Variants in SDK1 observed in about 807,000 individuals in gnomAD.
The protein encoded by SDK1 is protein sidekick-1.
SDK1 carries 157 observed loss-of-function variants against 245.5 expected under a neutral mutation model. The ratio of observed to expected loss-of-function variants is 0.64; its 90% CI spans 0.56 to 0.73. The LOEUF (loss-of-function observed/expected upper bound fraction) is 0.73, where lower values mean the gene tolerates loss of function less well. SDK1 is among the 30% of genes least tolerant of loss of function. The pLI, the probability that SDK1 is intolerant of heterozygous loss-of-function variation, is 0.00. For synonymous variants in SDK1, 1,647 were observed against 1,278.5 expected (o/e 1.29, Z -6.15); for missense variants, 3,583 against 3,002.3 (o/e 1.19, Z -4.52).
At chr7:4,139,535 GTATATA>G (rs767048205) in intron 28 of SDK1, among the ~76,000 whole-genome samples, 1 of 9,822 alleles carries the variant, frequency 1.0e-4, no homozygotes, top group Non-Finnish European at 2.6e-4. Flanking sequence ...ATGTGTGTGT[GTATATA>G]TGTGTGTGTA....
At chr7:3,737,083 A>G (rs929732605) in intron 4 of SDK1, among the ~76,000 whole-genome samples, 3 of 152,198 alleles carry the variant, frequency 2.0e-5, no homozygotes, top group African/African-American at 7.2e-5. Flanking sequence ...TGTTATCACA[A>G]ATGGAGGGAT....
At chr7:3,936,303 C>T (rs538353250) in intron 5 of SDK1, among the ~76,000 whole-genome samples, 5 of 152,010 alleles carry the variant, frequency 3.3e-5, no homozygotes, top group African/African-American at 7.2e-5. Context: ...TGTTTTGGGC[C>T]GGGCACGGTG....
At chr7:3,822,264 C>T (rs1237603841) in intron 5 of SDK1, among the ~76,000 whole-genome samples, 1 of 152,162 alleles carries the variant, frequency 6.6e-6, no homozygotes, top group East Asian at 1.9e-4. Context: ...GAAGGCTTGT[C>T]ATCAGATGTT....
intron 5 of SDK1, among the ~76,000 whole-genome samples, chr7:3,830,135 T>A (rs1347395546): frequency 1.3e-5 from 2 of 152,166 alleles, no homozygotes; most frequent in East Asian, 3.9e-4. Context: ...CGAACTGTTG[T>A]GGCAGATTTT....
intron 4 of SDK1, among the ~76,000 whole-genome samples, chr7:3,696,491 C>T (rs935217464): frequency 6.6e-6 from 1 of 152,060 alleles, no homozygotes; most frequent in South Asian, 2.1e-4. Context: ...TAATCCTCAT[C>T]TGAGCCCAGG....
intron 1 of SDK1, among the ~76,000 whole-genome samples, chr7:3,545,454 G>A (rs1779190510): frequency 6.6e-6 from 1 of 152,174 alleles, no homozygotes; most frequent in South Asian, 2.1e-4. Flanking sequence ...CCTCATAGCT[G>A]TCCCCTGTAG....
At chr7:4,228,193 A>G (rs1562458056) in intron 40 of SDK1, among the ~76,000 whole-genome samples, 1 of 152,326 alleles carries the variant, frequency 6.6e-6, no homozygotes, top group Admixed American at 6.5e-5. Context: ...TTCTTCAGGA[A>G]TATTTTGCAA....
intron 5 of SDK1, among the ~76,000 whole-genome samples, chr7:3,879,574 A>C (rs1583505107): frequency 6.6e-6 from 1 of 152,204 alleles, no homozygotes; most frequent in Non-Finnish European, 1.5e-5. Flanking sequence ...GGCTCCTGGC[A>C]GCCAGCCACG....
At chr7:4,253,758 T>A (rs1787457373) in intron 44 of SDK1, among the ~76,000 whole-genome samples, 1 of 152,192 alleles carries the variant, frequency 6.6e-6, no homozygotes, top group African/African-American at 2.4e-5. Flanking sequence ...TGTGTCTCCC[T>A]TCAAATCTAT....
At chr7:4,109,820 G>T (rs538605529) in intron 22 of SDK1, among the ~76,000 whole-genome samples, 2 of 152,326 alleles carry the variant, frequency 1.3e-5, no homozygotes, top group East Asian at 3.9e-4. Context: ...GCACAAGGAT[G>T]AGTGAGAGGT....
At chr7:4,186,471 A>T (rs1306616416) in intron 35 of SDK1, among the ~76,000 whole-genome samples, 1 of 152,168 alleles carries the variant, frequency 6.6e-6, no homozygotes, top group African/African-American at 2.4e-5. Flanking sequence ...CTGTGTCCCC[A>T]CATAGGCCGC....
At chr7:3,657,420 A>T (rs1206554280) in intron 4 of SDK1, among the ~76,000 whole-genome samples, 1 of 152,134 alleles carries the variant, frequency 6.6e-6, no homozygotes, top group Non-Finnish European at 1.5e-5. Flanking sequence ...TCCTGGAAAG[A>T]GGGTGAGGAG....
At chr7:3,786,970 A>G (rs912626492) in intron 4 of SDK1, among the ~76,000 whole-genome samples, 2 of 152,116 alleles carry the variant, frequency 1.3e-5, no homozygotes, top group African/African-American at 2.4e-5. Flanking sequence ...GAAATAGAGT[A>G]TAAACATTGT....
chr7:3,709,776 G>T (rs1784989763), intron 4 of SDK1, among the ~76,000 whole-genome samples: 2 of 152,014 alleles, frequency 1.3e-5, no homozygotes, highest in South Asian at 4.1e-4. Flanking sequence ...TAGGTACTTT[G>T]CAAGATGAAC....
At chr7:3,776,617 C>G (rs970312910) in intron 4 of SDK1, among the ~76,000 whole-genome samples, 1 of 152,112 alleles carries the variant, frequency 6.6e-6, no homozygotes, top group African/African-American at 2.4e-5. Flanking sequence ...GGAGGTTAAG[C>G]TGTCACTCTG....
intron 30 of SDK1, among the ~76,000 whole-genome samples, chr7:4,155,273 A>G (rs1304442239): frequency 6.6e-6 from 1 of 151,616 alleles, no homozygotes; most frequent in Non-Finnish European, 1.5e-5. Flanking sequence ...TCACAGAGAC[A>G]CTTAATCAAT....
intron 4 of SDK1, among the ~76,000 whole-genome samples, chr7:3,712,076 G>T (rs1245194376): frequency 1.3e-5 from 2 of 152,056 alleles, no homozygotes; most frequent in Admixed American, 1.3e-4. Flanking sequence ...TACAGCAGAG[G>T]TCCGCAACCC....
rs73673671 is a variant in SDK1, at chr7:3,649,401, C to T, written c.713+7296C>T. Among the ~76,000 whole-genome samples, 786 of 152,070 alleles carry T rather than the reference C, an allele frequency of 5.2e-3. 5 individuals are homozygous for T. The highest frequency in any genetic ancestry group is 0.018 in the African/African-American group (754 of 41,476). On this transcript the variant is annotated intron_variant, in intron 4 of 44. Transcript: ENST00000404826. ...CATCCCAATCAAGAGAGTTCGTGGG[C>T]CCCTCCTGCTGTTGGTATGCATTCC...
At chr7:3,591,556 G>A (rs138869641) in intron 1 of SDK1, among the ~76,000 whole-genome samples, 1 of 152,334 alleles carries the variant, frequency 6.6e-6, no homozygotes, top group African/African-American at 2.4e-5. Context: ...ACAAATTGCA[G>A]TAATCACTGG....
Sources: gnomAD v4.1 joint callset for allele counts (sites outside exome capture counted in the v4.1 genomes callset) on GRCh38, gnomAD v4.1.1 for gene constraint, MANE v1.5 for transcripts, NCBI Gene and HGNC (gene_info 2026-07-23, HGNC 2026-07-21) for gene names.